AGAP1: variants seen among roughly 807,000 people sequenced by gnomAD.
AGAP1 encodes arf-GAP with GTPase, ANK repeat and PH domain-containing protein 1.
A neutral mutation model predicts 105.3 loss-of-function variants in AGAP1; 29 were observed. The observed-to-expected ratio is 0.28, with a 90% confidence interval of 0.21 to 0.38. AGAP1 has a LOEUF of 0.38. Among genes scored for constraint, AGAP1 ranks in the 10% least tolerant of loss-of-function variants. The pLI, the probability that AGAP1 is intolerant of heterozygous loss-of-function variation, is 1.00. For missense variants in AGAP1, 998 were observed against 1,165.1 expected, an observed-to-expected ratio of 0.86 and a Z score of 2.09; for synonymous variants, 509 against 485.9, an observed-to-expected ratio of 1.05 and a Z score of -0.63.
rs2049696288 is a variant in AGAP1, at chr2:235,875,765, C to T, written c.1051-7580C>T. On this transcript the variant is annotated intron_variant, in intron 9 of 17. Transcript: ENST00000304032. This position sits in a 1 kb window ranked among gnomAD's most constrained non-coding sequence, Gnocchi z 4.0. ...ACAGATACCTACACTTCCCACTGCCCGACAGTACGTGCAGTGATTTTGATG... is the reference window on the plus strand; with the variant it reads ...ACAGATACCTACACTTCCCACTGCCTGACAGTACGTGCAGTGATTTTGATG... Among the ~76,000 whole-genome samples, 1 of 152,032 alleles carries T rather than the reference C, an allele frequency of 6.6e-6. No homozygotes were observed. Among genetic ancestry groups the T allele is most frequent in the Admixed American group, 6.5e-5 (1 of 15,274 alleles).
At chr2:236,015,055 G>A (rs1282233711) in intron 13 of AGAP1, among the ~76,000 whole-genome samples, 2 of 152,120 alleles carry the variant, frequency 1.3e-5, no homozygotes, top group Non-Finnish European at 2.9e-5. Flanking sequence ...TTGTTTGTGT[G>A]TTTTATTTTA....
chr2:235,748,618 C>T (rs981415090), intron 5 of AGAP1, among the ~76,000 whole-genome samples: 10 of 152,040 alleles, frequency 6.6e-5, no homozygotes, highest in Non-Finnish European at 1.5e-4. Flanking sequence ...AACGAGGAAA[C>T]GTCAGCCCAA....
chr2:235,922,930 A>T (rs1349403921), intron 11 of AGAP1, among the ~76,000 whole-genome samples: 2 of 152,220 alleles, frequency 1.3e-5, no homozygotes, highest in Non-Finnish European at 2.9e-5. Flanking sequence ...ATTCTTTGGA[A>T]AGAATCTGGC....
chr2:236,097,380 C>CTTTTTTTTTTTTTTTTTTTTTTTTTTTTT (rs58882083), intron 16 of AGAP1, among the ~76,000 whole-genome samples: 1 of 48,648 alleles, frequency 2.1e-5, no homozygotes, highest in Non-Finnish European at 3.9e-5. Context: ...TCATCCTAAT[C>CTTTTTTTTTTTTTTTTTTTTTTTTTTTTT]TTTTTTTTTT....
rs2051193549 is a variant in AGAP1 at position 235,904,190 on chromosome 2, G to A, written c.1156-4548G>A. Reference sequence around the variant, plus strand: ...ATCACATTAATGCAGCTAATTAAGTGTACGGCAATAGATGCAACATAATTA... The same window carrying A: ...ATCACATTAATGCAGCTAATTAAGTATACGGCAATAGATGCAACATAATTA... On this transcript the variant is annotated intron_variant, in intron 10 of 17. Transcript: ENST00000304032. This position sits in a 1 kb window ranked among gnomAD's most constrained non-coding sequence, Gnocchi z 4.2. 6.6e-6 allele frequency among the ~76,000 whole-genome samples: 1 copy of A among 152,174 alleles called. No individual in the cohort carries two copies. Among genetic ancestry groups the A allele is most frequent in the South Asian group, 2.1e-4 (1 of 4,828 alleles).
rs977339435 is a variant in AGAP1 at position 235,704,744 on chromosome 2, G to T, written c.164-4435G>T. Among the ~76,000 whole-genome samples the T allele has an allele frequency of 1.9e-4, 29 of 152,200 alleles. 1 individual carries two copies. Among genetic ancestry groups the T allele is most frequent in the African/African-American group, 6.5e-4 (27 of 41,456 alleles). ...AGCGTCCCAGGTTAGTCTAGGGCGA[G>T]CAGGCTCTGAGCAACACAGCAGATA... On this transcript the variant is annotated intron_variant, in intron 1 of 17. Coordinates refer to ENST00000304032, the MANE Select transcript of AGAP1 (RefSeq NM_001037131.3).
rs1180176315 is a variant in AGAP1, at chr2:235,569,237, C to T, written c.163+74388C>T. ...GGCTGAGGCAGGAGAATCGCTTGAA[C>T]CCAGGAGGCGGAGGTTGTAGTGACC... On this transcript the variant is annotated intron_variant, in intron 1 of 17. Coordinates refer to ENST00000304032, the MANE Select transcript of AGAP1 (RefSeq NM_001037131.3). The surrounding 1 kb of genome is among the most constrained non-coding windows in gnomAD (Gnocchi z 5.9). 6.6e-6 allele frequency among the ~76,000 whole-genome samples: 1 copy of T among 152,156 alleles called. No homozygotes were observed. Among genetic ancestry groups the T allele is most frequent in the Admixed American group, 6.5e-5 (1 of 15,282 alleles).
At position 236,120,040 on chromosome 2, in the gene AGAP1, C is replaced by T. The variant is rs913238368; in HGVS notation, c.2115-152C>T. On this transcript the variant is annotated intron_variant, in intron 16 of 17. Transcript: ENST00000304032. This position sits in a 1 kb window ranked among gnomAD's most constrained non-coding sequence, Gnocchi z 6.0. ...ATACTGTTTTGTGAAGGTGGATAAA[C>T]GTTTCCCCCAGGGGGCTTTGTGCCG... The T allele has an allele frequency of 2.4e-5, 26 of 1,102,622 alleles. No individual in the cohort carries two copies. The East Asian group carries it at 4.3e-4, about 18-fold the overall frequency. The allele number at this position is 1,102,622 out of a possible 1,614,324, so 68.3% of individuals were successfully genotyped here. A position where few individuals can be genotyped will look rare whatever the true frequency, so the allele number is the denominator to read the frequency against.
rs550176417 is a variant in AGAP1 at position 236,082,645 on chromosome 2, G to T, written c.2114+33364G>T. Among the ~76,000 whole-genome samples, 1 of 152,196 alleles carries T rather than the reference G, an allele frequency of 6.6e-6. No individual in the cohort carries two copies. The highest frequency in any genetic ancestry group is 2.4e-5 in the African/African-American group (1 of 41,448). On this transcript the variant is annotated intron_variant, in intron 16 of 17. Transcript: ENST00000304032. The surrounding 1 kb of genome is among the most constrained non-coding windows in gnomAD (Gnocchi z 4.2). The stretch of plus-strand genomic sequence containing the variant: ...TCCCAACACTTTGGGAGGCCAAGAC[G>T]GGTGGATCACCTGAGGCCAGGAGTT...
chr2:235,957,905 T>A lies in AGAP1; in HGVS notation c.1484-10557T>A, dbSNP rs1559694349. On this transcript the variant is annotated intron_variant, in intron 12 of 17. Transcript: ENST00000304032. This position sits in a 1 kb window ranked among gnomAD's most constrained non-coding sequence, Gnocchi z 4.6. Reference sequence around the variant, plus strand: ...CAAATGGGCCTGTCTTTGATAATTTTAAATTATTTTAATACCAAGCAAAAA... The same window carrying A: ...CAAATGGGCCTGTCTTTGATAATTTAAAATTATTTTAATACCAAGCAAAAA... Among the ~76,000 whole-genome samples, 1 of 152,188 alleles carries A rather than the reference T, an allele frequency of 6.6e-6. No individual in the cohort carries two copies. The highest frequency in any genetic ancestry group is 2.4e-5 in the African/African-American group (1 of 41,442).
chr2:235,653,295 C>G (rs1324262001), intron 1 of AGAP1, among the ~76,000 whole-genome samples: 2 of 151,758 alleles, frequency 1.3e-5, no homozygotes, highest in African/African-American at 2.4e-5. Context: ...GAAACACTGT[C>G]TCTCCTAAAA....
chr2:236,123,903 T>C lies in AGAP1; in HGVS notation c.2371-16T>C, dbSNP rs756866214. 1.2e-6 allele frequency: 2 copies of C among 1,611,910 alleles called. No homozygotes were observed. Among genetic ancestry groups the C allele is most frequent in the South Asian group, 1.1e-5 (1 of 90,956 alleles). ...CATCCCCCATGATACTAATGTGGGC[T>C]CCCTTACCTCCGCAGTACGGAGTGG... On this transcript the variant is annotated splice_polypyrimidine_tract_variant and intron_variant, in intron 17 of 17. Coordinates refer to ENST00000304032, the MANE Select transcript of AGAP1 (RefSeq NM_001037131.3). The surrounding 1 kb of genome is among the most constrained non-coding windows in gnomAD (Gnocchi z 4.6).
chr2:236,015,311 T>C (rs2056658261), intron 13 of AGAP1, among the ~76,000 whole-genome samples: 1 of 152,222 alleles, frequency 6.6e-6, no homozygotes, highest in Non-Finnish European at 1.5e-5. Context: ...ATTTGTTTTG[T>C]GGAAGCATTC....
Position 235,514,466 on chromosome 2 carries a change from C to T in AGAP1, c.163+19617C>T, listed in dbSNP as rs574874300. 2.4e-4 allele frequency among the ~76,000 whole-genome samples: 36 copies of T among 152,392 alleles called. No individual in the cohort carries two copies. In the South Asian group the frequency reaches 6.6e-3, roughly 28 times the overall value. On this transcript the variant is annotated intron_variant, in intron 1 of 17. Transcript: ENST00000304032. Reference sequence around the variant, plus strand: ...GCTCTCCAGCCTGGTCTCACCCCACCTGTGGCACCTTCGCTGTGGAGGATA... The same window carrying T: ...GCTCTCCAGCCTGGTCTCACCCCACTTGTGGCACCTTCGCTGTGGAGGATA...
At chr2:235,722,590 T>C (rs947894874) in intron 3 of AGAP1, among the ~76,000 whole-genome samples, 1 of 152,122 alleles carries the variant, frequency 6.6e-6, no homozygotes, top group Admixed American at 6.6e-5. Flanking sequence ...GTCCAAACTT[T>C]TTCTTATAAG....
chr2:236,104,841 G>C lies in AGAP1; in HGVS notation c.2115-15351G>C, dbSNP rs2059445222. ...CGGGACCCGGGAGGCGGAGGTAGCAGTGAGCCCAAGTTCATGCCACTGCAC... is the reference window on the plus strand; with the variant it reads ...CGGGACCCGGGAGGCGGAGGTAGCACTGAGCCCAAGTTCATGCCACTGCAC... On this transcript the variant is annotated intron_variant, in intron 16 of 17. Coordinates refer to ENST00000304032, the MANE Select transcript of AGAP1 (RefSeq NM_001037131.3). This position sits in a 1 kb window ranked among gnomAD's most constrained non-coding sequence, Gnocchi z 4.7. 6.6e-6 allele frequency among the ~76,000 whole-genome samples: 1 copy of C among 152,112 alleles called. No homozygotes were observed. Among genetic ancestry groups the C allele is most frequent in the African/African-American group, 2.4e-5 (1 of 41,424 alleles).
rs1030805156 is a variant in AGAP1 at position 235,621,462 on chromosome 2, T to C, written c.164-87717T>C. Among the ~76,000 whole-genome samples, 1 of 152,232 alleles carries C rather than the reference T, an allele frequency of 6.6e-6. No individual in the cohort carries two copies. Among genetic ancestry groups the C allele is most frequent in the Non-Finnish European group, 1.5e-5 (1 of 68,040 alleles). On this transcript the variant is annotated intron_variant, in intron 1 of 17. Transcript: ENST00000304032. The surrounding 1 kb of genome is among the most constrained non-coding windows in gnomAD (Gnocchi z 4.1). ...CCGAATGAGCCAGAGCCTCTGCTGCTGCCATTGGCGTTGGCACCATTCTTA... is the reference window on the plus strand; with the variant it reads ...CCGAATGAGCCAGAGCCTCTGCTGCCGCCATTGGCGTTGGCACCATTCTTA...
Position 235,655,505 on chromosome 2 carries a change from G to A in AGAP1, c.164-53674G>A, listed in dbSNP as rs947938209. ...TCATGGGCTCTCTAGTCTTACTTTTGATCCCTTTTCCTGTATTTCACCAGT... is the reference window on the plus strand; with the variant it reads ...TCATGGGCTCTCTAGTCTTACTTTTAATCCCTTTTCCTGTATTTCACCAGT... On this transcript the variant is annotated intron_variant, in intron 1 of 17. Transcript: ENST00000304032. This position sits in a 1 kb window ranked among gnomAD's most constrained non-coding sequence, Gnocchi z 4.3. 1.3e-5 allele frequency among the ~76,000 whole-genome samples: 2 copies of A among 152,152 alleles called. No homozygotes were observed. The highest frequency in any genetic ancestry group is 3.9e-4 in the East Asian group (2 of 5,164).
At position 235,517,030 on chromosome 2, in the gene AGAP1, C is replaced by T. The variant is rs561729788; in HGVS notation, c.163+22181C>T. 2.6e-5 allele frequency among the ~76,000 whole-genome samples: 4 copies of T among 152,302 alleles called. No individual in the cohort carries two copies. Among genetic ancestry groups the T allele is most frequent in the South Asian group, 2.1e-4 (1 of 4,826 alleles). ...GGCTTGGCGCCTACGTTAGTCAGCT[C>T]GGGCTGCCACGACAAAATACCACAG... On this transcript the variant is annotated intron_variant, in intron 1 of 17. Transcript: ENST00000304032. This position sits in a 1 kb window ranked among gnomAD's most constrained non-coding sequence, Gnocchi z 4.1.
Sources: allele counts gnomAD v4.1 joint callset (sites outside exome capture counted in the v4.1 genomes callset), GRCh38; gene constraint gnomAD v4.1.1; non-coding constraint Gnocchi (gnomAD v3.1); transcripts MANE v1.5; gene names NCBI Gene and HGNC (gene_info 2026-07-23, HGNC 2026-07-21).